ARL6IP6: variants seen among roughly 807,000 people sequenced by gnomAD.
ARL6IP6 encodes ADP-ribosylation factor-like protein 6-interacting protein 6.
A neutral mutation model predicts 21.5 loss-of-function variants in ARL6IP6; 22 were observed. That is an observed-to-expected ratio of 1.02 (90% CI 0.73 to 1.46). The LOEUF (loss-of-function observed/expected upper bound fraction) is 1.46, where lower values mean the gene tolerates loss of function less well. ARL6IP6 is among the 40% of genes most tolerant of loss of function. ARL6IP6 has a pLI of 0.00. For synonymous variants in ARL6IP6, 164 were observed against 125.3 expected (o/e 1.31, Z -2.06); for missense variants, 388 against 299.8 (o/e 1.29, Z -2.17).
At chr2:152,759,577 A>C (rs573191806) in intron 3 of ARL6IP6, among the ~76,000 whole-genome samples, 170 bp from the exon 4 acceptor site, 1 of 152,338 alleles carries the variant, frequency 6.6e-6, no homozygotes, top group South Asian at 2.1e-4. Flanking sequence ...AATAAGATCT[A>C]TCCACTATTT....
At chr2:152,757,686 C>G (rs1274419608) in intron 3 of ARL6IP6, among the ~76,000 whole-genome samples, 1 of 152,132 alleles carries the variant, frequency 6.6e-6, no homozygotes, top group African/African-American at 2.4e-5. Context: ...TAAATTAAAG[C>G]AAGTGATTCT....
At chr2:152,754,811 C>T (rs1005513635) in intron 3 of ARL6IP6, among the ~76,000 whole-genome samples, 1 of 151,940 alleles carries the variant, frequency 6.6e-6, no homozygotes, top group Non-Finnish European at 1.5e-5. Context: ...TTTCCATTTC[C>T]GTATAACTAA....
intron 3 of ARL6IP6, among the ~76,000 whole-genome samples, chr2:152,740,872 T>G (rs1700776328): frequency 6.6e-6 from 1 of 152,124 alleles, no homozygotes; most frequent in East Asian, 1.9e-4. Flanking sequence ...TGTTTTATAG[T>G]CAAAACCCTG....
intron 2 of ARL6IP6, among the ~76,000 whole-genome samples, chr2:152,721,283 A>C (rs1013504613): frequency 6.6e-6 from 1 of 152,114 alleles, no homozygotes; most frequent in African/African-American, 2.4e-5. Context: ...TCACTATCCT[A>C]GCAAAGGTAA....
chr2:152,727,429 A>T (rs1425237694), intron 2 of ARL6IP6, among the ~76,000 whole-genome samples: 2 of 152,094 alleles, frequency 1.3e-5, no homozygotes, highest in Non-Finnish European at 1.5e-5. Context: ...GAAGAGAAAA[A>T]TTTTTTAATT....
At chr2:152,723,980 G>A (rs573223947) in intron 2 of ARL6IP6, among the ~76,000 whole-genome samples, 51 of 152,152 alleles carry the variant, frequency 3.4e-4, no homozygotes, top group African/African-American at 1.2e-3. Context: ...AAGTGTTACA[G>A]TGCTATCTGT....
intron 1 of ARL6IP6, chr2:152,719,765 AAAAAAAAAAC>A (rs1274984699): frequency 5.4e-5 from 15 of 276,544 alleles, no homozygotes; most frequent in African/African-American, 2.9e-4. Flanking sequence ...AAAAAAAAAA[AAAAAAAAAAC>A]AAAAGAACTT....
At chr2:152,720,877 G>A (rs1409784933) in intron 2 of ARL6IP6, among the ~76,000 whole-genome samples, 2 of 152,110 alleles carry the variant, frequency 1.3e-5, no homozygotes, top group Admixed American at 1.3e-4. Context: ...AATCACTTGA[G>A]CCCAGGAGTT....
upstream of ARL6IP6, chr2:152,718,610 G>A (rs755760150): frequency 3.3e-6 from 5 of 1,505,744 alleles, no homozygotes; most frequent in Non-Finnish European, 4.4e-6. Flanking sequence ...CGCGGGTTTC[G>A]TTGTGTTTCG....
Position 152,719,029 on chromosome 2 carries a change from T to G in ARL6IP6, c.400+5T>G, listed in dbSNP as rs778613735. 1.6e-5 allele frequency: 25 copies of G among 1,537,596 alleles called. No individual in the cohort carries two copies. The African/African-American group carries it at 2.9e-4, about 18-fold the overall frequency. ...TCGCCTACTTGATCGTTAAAGGTAT[T>G]GAAGCCGACGCCTTGAAAGTCTGTC... On this transcript the variant is annotated splice_donor_5th_base_variant and intron_variant, in intron 1 of 3. Transcript: ENST00000326446.
rs777803111 is a variant in ARL6IP6 at position 152,761,854 on chromosome 2, C to T, written c.*2014C>T. ...ACACAATGATGAAATTGCCTAATGACGCTTTTCTCAGAATATATCCTTGTC... is the reference window on the plus strand; with the variant it reads ...ACACAATGATGAAATTGCCTAATGATGCTTTTCTCAGAATATATCCTTGTC... On this transcript the variant is annotated 3_prime_UTR_variant, in exon 4 of 4. Coordinates refer to ENST00000326446, the MANE Select transcript of ARL6IP6 (RefSeq NM_152522.7). Among the ~76,000 whole-genome samples the T allele has an allele frequency of 2.6e-5, 4 of 152,066 alleles. No individual in the cohort carries two copies. The highest frequency in any genetic ancestry group is 2.1e-4 in the South Asian group (1 of 4,826).
intron 2 of ARL6IP6, among the ~76,000 whole-genome samples, chr2:152,731,222 A>T (rs1294688315): frequency 6.6e-6 from 1 of 152,210 alleles, no homozygotes; most frequent in Non-Finnish European, 1.5e-5. Flanking sequence ...ATGAACACAG[A>T]GCCCATTAGC....
chr2:152,719,762 A>C (rs1283445304), intron 1 of ARL6IP6: 11 of 308,938 alleles, frequency 3.6e-5, no homozygotes, highest in Middle Eastern at 2.3e-3. Flanking sequence ...AAAAAAAAAA[A>C]AAAAAAAAAA....
intron 2 of ARL6IP6, among the ~76,000 whole-genome samples, chr2:152,724,644 C>G (rs1699952953): frequency 6.6e-6 from 1 of 152,182 alleles, no homozygotes; most frequent in African/African-American, 2.4e-5. Context: ...GTGTGGTACT[C>G]TGTAGTCCAA....
chr2:152,717,724 C>T, upstream of ARL6IP6: 1 of 1,354,398 alleles, frequency 7.4e-7, no homozygotes, highest in Non-Finnish European at 9.5e-7. Context: ...GGGAAGACAA[C>T]AGTGTCCCAG....
intron 1 of ARL6IP6, chr2:152,719,750 GAAAAAAAAAAA>G (rs11328553): frequency 1.4e-4 from 35 of 255,170 alleles, no homozygotes; most frequent in African/African-American, 2.1e-4. Flanking sequence ...CCAAGTTACT[GAAAAAAAAAAA>G]AAAAAAAAAA....
chr2:152,724,325 G>A (rs1199551589), intron 2 of ARL6IP6, among the ~76,000 whole-genome samples: 1 of 152,102 alleles, frequency 6.6e-6, no homozygotes, highest in East Asian at 1.9e-4. Context: ...ACCATTTATT[G>A]CACTTTTACA....
chr2:152,747,904 A>G (rs1324803857), intron 3 of ARL6IP6, among the ~76,000 whole-genome samples: 2 of 151,756 alleles, frequency 1.3e-5, no homozygotes, highest in Non-Finnish European at 2.9e-5. Context: ...GTCTCCCTAT[A>G]TGCTCAGGCT....
intron 3 of ARL6IP6, among the ~76,000 whole-genome samples, chr2:152,753,967 C>T (rs902197001): frequency 2.0e-5 from 3 of 151,410 alleles, no homozygotes; most frequent in African/African-American, 2.4e-5. Flanking sequence ...TCCCAAAGTG[C>T]TGGGATTACA....
Sources: allele counts gnomAD v4.1 joint callset (sites outside exome capture counted in the v4.1 genomes callset), GRCh38; gene constraint gnomAD v4.1.1; transcripts MANE v1.5; gene names NCBI Gene and HGNC (gene_info 2026-07-23, HGNC 2026-07-21).